SEPTIN2: variants seen among roughly 807,000 people sequenced by gnomAD.
SEPTIN2 encodes septin 2.
A neutral mutation model predicts 46.5 loss-of-function variants in SEPTIN2; 34 were observed. That is an observed-to-expected ratio of 0.73 (90% CI 0.56 to 0.97). The LOEUF (loss-of-function observed/expected upper bound fraction) is 0.97. Ranked by LOEUF, SEPTIN2 falls within the 50% of genes least tolerant of loss-of-function variation. SEPTIN2 has a pLI of 0.00. For missense variants in SEPTIN2, 347 were observed against 448.4 expected, an observed-to-expected ratio of 0.77 and a Z score of 2.04; for synonymous variants, 175 against 153.4, an observed-to-expected ratio of 1.14 and a Z score of -1.04.
In SEPTIN2 at chr2:241,335,966, C is replaced by A; in HGVS notation, c.218-9C>A. The A allele has an allele frequency of 6.2e-7, 1 of 1,614,000 alleles. No individual in the cohort carries two copies. Among genetic ancestry groups the A allele is most frequent in the Non-Finnish European group, 8.5e-7 (1 of 1,179,982 alleles). The stretch of plus-strand genomic sequence containing the variant: ...CTTATATTCCCTATTAAGTTTGTTT[C>A]TTTTCTAGAAAAAATTGAAAGAACT... On this transcript the variant is annotated splice_polypyrimidine_tract_variant and intron_variant, in intron 4 of 12. Coordinates refer to ENST00000391971, the MANE Select transcript of SEPTIN2 (RefSeq NM_004404.5).
chr2:241,322,142 G>T (rs559511935), intron 1 of SEPTIN2, among the ~76,000 whole-genome samples: 20 of 152,248 alleles, frequency 1.3e-4, no homozygotes, highest in Non-Finnish European at 2.8e-4. Flanking sequence ...GTTAAGATTT[G>T]GGGGAGGGGA....
intron 1 of SEPTIN2, among the ~76,000 whole-genome samples, chr2:241,321,455 G>C (rs984241898): frequency 2.6e-5 from 4 of 151,978 alleles, no homozygotes; most frequent in African/African-American, 9.7e-5. Context: ...TAGTAGTGTT[G>C]TCTCTCCTCC....
At chr2:241,344,318 A>AT (rs2081680639) in intron 9 of SEPTIN2, among the ~76,000 whole-genome samples, 2 of 152,138 alleles carry the variant, frequency 1.3e-5, no homozygotes, top group Admixed American at 6.5e-5. Context: ...TCTGAGACTC[A>AT]TTGTATGGCC....
intron 1 of SEPTIN2, among the ~76,000 whole-genome samples, chr2:241,319,069 T>TA (rs2149814491): frequency 6.6e-6 from 1 of 152,350 alleles, no homozygotes; most frequent in East Asian, 1.9e-4. Context: ...TGTTTCATTA[T>TA]ATTCAGTAAA....
chr2:241,341,112 T>C (rs2081204123), intron 7 of SEPTIN2, among the ~76,000 whole-genome samples: 1 of 152,226 alleles, frequency 6.6e-6, no homozygotes, highest in African/African-American at 2.4e-5. Flanking sequence ...TCTGCTGTTT[T>C]TTACCACCTT....
chr2:241,344,475 G>C (rs1012920317), intron 9 of SEPTIN2, among the ~76,000 whole-genome samples: 8 of 152,252 alleles, frequency 5.3e-5, no homozygotes, highest in African/African-American at 1.9e-4. Context: ...GAGGCAGGCA[G>C]ATCACGAGGT....
At chr2:241,334,973 A>G (rs1333108914) in intron 3 of SEPTIN2, among the ~76,000 whole-genome samples, 153 bp from the exon 4 acceptor site, 1 of 152,216 alleles carries the variant, frequency 6.6e-6, no homozygotes, top group Non-Finnish European at 1.5e-5. Flanking sequence ...ACCCTCAAAG[A>G]TCATACTGCA....
intron 12 of SEPTIN2, chr2:241,351,766 A>T (rs2060815089): frequency 6.6e-6 from 1 of 152,194 alleles, no homozygotes. Flanking sequence ...TTATTTCTGT[A>T]TACTTTCTAG....
intron 9 of SEPTIN2, among the ~76,000 whole-genome samples, chr2:241,344,840 C>T (rs901733110): frequency 4.0e-5 from 6 of 151,660 alleles, no homozygotes; most frequent in East Asian, 1.9e-4. Context: ...CCCAGGCGGG[C>T]GGATCACTTG....
intron 7 of SEPTIN2, among the ~76,000 whole-genome samples, chr2:241,338,667 ATAT>A (rs1317464941): frequency 6.4e-4 from 80 of 125,276 alleles, no homozygotes; most frequent in Non-Finnish European, 1.0e-3. Flanking sequence ...TATTATATCT[ATAT>A]TATTTATATT....
intron 7 of SEPTIN2, among the ~76,000 whole-genome samples, chr2:241,338,139 G>T (rs903717628): frequency 2.6e-5 from 4 of 151,998 alleles, no homozygotes; most frequent in African/African-American, 9.7e-5. Context: ...ATTCTTTACT[G>T]CAAATGACCC....
chr2:241,353,949 A>G lies in SEPTIN2; in HGVS notation c.*2012A>G, dbSNP rs1397559552. 6.6e-6 allele frequency: 1 copy of G among 152,446 alleles called. No individual in the cohort carries two copies. Among genetic ancestry groups the G allele is most frequent in the African/African-American group, 2.4e-5 (1 of 41,462 alleles). 9.4% of individuals were successfully genotyped at this position (152,446 alleles called of 1,614,324 possible). A position where few individuals can be genotyped will look rare whatever the true frequency, so the allele number is the denominator to read the frequency against. On this transcript the variant is annotated 3_prime_UTR_variant, in exon 13 of 13. Transcript: ENST00000391971. ...TCTACCTATAGAAATGTATTTTGAA[A>G]ACACTTATTTTACACAGCAATTTTG...
intron 3 of SEPTIN2, among the ~76,000 whole-genome samples, chr2:241,333,794 C>T (rs1444207344): frequency 4.6e-5 from 7 of 152,212 alleles, no homozygotes; most frequent in Admixed American, 3.3e-4. Flanking sequence ...TGGGCCACCG[C>T]GCCCGGCTGT....
chr2:241,327,093 G>A (rs2078113872), intron 3 of SEPTIN2, among the ~76,000 whole-genome samples: 1 of 146,824 alleles, frequency 6.8e-6, no homozygotes, highest in Non-Finnish European at 1.5e-5. Context: ...GGCATTTACA[G>A]TGTAACATTC....
In SEPTIN2 at chr2:241,326,017, C is replaced by G. The variant is rs765264652; in HGVS notation, c.34C>G (p.Pro12Ala). 1 of 1,612,598 alleles carries G rather than the reference C, an allele frequency of 6.2e-7. No homozygotes were observed. ...GCAACAGCCAACTCAGTTTATAAAT[C>G]CAGAAACACCTGGCTATGTTGGATT... Reference protein sequence around the residue: ...SKQQPTQFINPETPGYVGFAN... With the variant: ...SKQQPTQFINAETPGYVGFAN... The change falls in exon 3 of 13, where the codon CCA becomes GCA. Residue 12 changes from proline (P) to alanine (A), a missense_variant. Physicochemically the swap from Pro to Ala is conservative, Grantham distance 27. Transcript: ENST00000391971.
chr2:241,326,039 G>T lies in SEPTIN2; in HGVS notation c.56G>T (p.Gly19Val). The change falls in exon 3 of 13, where the codon GGA becomes GTA. Residue 19 changes from glycine to valine, a missense_variant. Transcript: ENST00000391971. ...FINPETPGYV[G>V]FANLPNQVHR... is the part of the protein sequence containing the mutation. ...AATCCAGAAACACCTGGCTATGTTG[G>T]ATTTGCAAACCTCCCCAATCAAGTT... 2.5e-6 allele frequency: 4 copies of T among 1,613,776 alleles called. No homozygotes were observed. The highest frequency in any genetic ancestry group is 3.4e-6 in the Non-Finnish European group (4 of 1,179,838).
At chr2:241,333,389 T>C (rs1262171488) in intron 3 of SEPTIN2, among the ~76,000 whole-genome samples, 1 of 152,226 alleles carries the variant, frequency 6.6e-6, no homozygotes, top group Non-Finnish European at 1.5e-5. Flanking sequence ...AACAGGCATT[T>C]AGTCAAATTT....
At chr2:241,327,689 A>G (rs1047615270) in intron 3 of SEPTIN2, among the ~76,000 whole-genome samples, 1 of 151,902 alleles carries the variant, frequency 6.6e-6, no homozygotes, top group Non-Finnish European at 1.5e-5. Flanking sequence ...AGAAGAAATA[A>G]TAGAGAAAAG....
At chr2:241,341,775 C>T (rs1362323168) in intron 7 of SEPTIN2, among the ~76,000 whole-genome samples, 1 of 152,140 alleles carries the variant, frequency 6.6e-6, no homozygotes, top group Non-Finnish European at 1.5e-5. Flanking sequence ...ATCCAGTGCA[C>T]AGTTTGAGGT....
Sources: gnomAD v4.1 joint callset for allele counts (sites outside exome capture counted in the v4.1 genomes callset) on GRCh38, gnomAD v4.1.1 for gene constraint, MANE v1.5 for transcripts, NCBI Gene and HGNC (gene_info 2026-07-23, HGNC 2026-07-21) for gene names.